SIDT1: variants seen among roughly 807,000 people sequenced by gnomAD.
SIDT1 encodes SID1 transmembrane family, member 1.
Under a neutral mutation model 107.5 loss-of-function variants are expected in SIDT1, and 101 were observed. The ratio of observed to expected loss-of-function variants is 0.94; its 90% CI spans 0.80 to 1.11. SIDT1 has a LOEUF of 1.11. SIDT1 is among the 50% of genes least tolerant of loss of function. The pLI, the probability that SIDT1 is intolerant of heterozygous loss-of-function variation, is 0.00. For missense variants in SIDT1, 1,076 were observed against 1,058.2 expected (o/e 1.02, Z -0.23); for synonymous variants, 395 against 398.2 (o/e 0.99, Z 0.10).
intron 9 of SIDT1, among the ~76,000 whole-genome samples, chr3:113,591,076 C>T (rs1032197922): frequency 6.6e-5 from 10 of 152,098 alleles, no homozygotes; most frequent in Non-Finnish European, 7.3e-5. Flanking sequence ...GAAGGAAATG[C>T]GACAAAGAAA....
At chr3:113,620,211 T>C (rs916917918) in intron 21 of SIDT1, among the ~76,000 whole-genome samples, 5 of 151,980 alleles carry the variant, frequency 3.3e-5, no homozygotes, top group Admixed American at 1.3e-4. Flanking sequence ...TGTGTGTGTG[T>C]GTGTGTGTGT....
intron 23 of SIDT1, 87 bp downstream of exon 23, chr3:113,623,820 TCA>T: frequency 3.5e-6 from 3 of 851,914 alleles, no homozygotes; most frequent in Non-Finnish European, 1.9e-6. Context: ...TAATGTGTTT[TCA>T]CAGTGTCTAA....
intron 19 of SIDT1, among the ~76,000 whole-genome samples, chr3:113,615,484 C>T (rs999104389): frequency 1.3e-5 from 2 of 152,234 alleles, no homozygotes; most frequent in Non-Finnish European, 2.9e-5. Context: ...AACACACACA[C>T]TCGCTGCATT....
At chr3:113,603,767 A>C (rs1945129776) in intron 12 of SIDT1, among the ~76,000 whole-genome samples, 193 bp from the exon 13 acceptor site, 2 of 152,350 alleles carry the variant, frequency 1.3e-5, no homozygotes, top group South Asian at 2.1e-4. Flanking sequence ...CAACATTAAA[A>C]GAAAAGTCTT....
At chr3:113,561,635 G>A (rs2107724836) in intron 1 of SIDT1, among the ~76,000 whole-genome samples, 1 of 152,256 alleles carries the variant, frequency 6.6e-6, no homozygotes, top group Admixed American at 6.5e-5. Flanking sequence ...GGTTTCTTTG[G>A]AACTATCCTT....
At chr3:113,609,102 G>A (rs1428417261) in intron 17 of SIDT1, among the ~76,000 whole-genome samples, 3 of 115,582 alleles carry the variant, frequency 2.6e-5, no homozygotes, top group East Asian at 2.8e-4. Context: ...TGGCTCTGTC[G>A]CCCAGGCTGG....
intron 1 of SIDT1, among the ~76,000 whole-genome samples, chr3:113,554,581 C>A (rs1446824200): frequency 2.0e-5 from 3 of 152,184 alleles, no homozygotes; most frequent in Non-Finnish European, 4.4e-5. Flanking sequence ...TTGCCTTCTG[C>A]CATGATTGTG....
chr3:113,605,147 G>A (rs1363046171), intron 14 of SIDT1, among the ~76,000 whole-genome samples, 171 bp downstream of exon 14: 5 of 20,550 alleles, frequency 2.4e-4, no homozygotes, highest in Non-Finnish European at 6.6e-4. Context: ...TTTTTTGACG[G>A]AGTCTCGCTC....
At chr3:113,611,197 C>CAA in intron 18 of SIDT1, 53 bp downstream of exon 18, 2 of 1,583,758 alleles carry the variant, frequency 1.3e-6, no homozygotes, top group East Asian at 2.3e-5. Context: ...CCCCTAGGTC[C>CAA]AATAAACAAA....
At chr3:113,607,823 G>A (rs144607129) in intron 15 of SIDT1, among the ~76,000 whole-genome samples, 1 of 152,226 alleles carries the variant, frequency 6.6e-6, no homozygotes, top group African/African-American at 2.4e-5. Flanking sequence ...CTATACAAAC[G>A]CCACTGGGAT....
At chr3:113,560,303 A>T (rs904806866) in intron 1 of SIDT1, among the ~76,000 whole-genome samples, 1 of 152,200 alleles carries the variant, frequency 6.6e-6, no homozygotes, top group African/African-American at 2.4e-5. Flanking sequence ...TCCTCTGTGT[A>T]CCCACAGTAC....
intron 17 of SIDT1, among the ~76,000 whole-genome samples, chr3:113,609,524 A>T (rs111529427): frequency 4.6e-5 from 7 of 152,202 alleles, no homozygotes. Context: ...GGGCTGAGAC[A>T]GTGTGCATTT....
chr3:113,535,753 C>T (rs984523147), intron 1 of SIDT1, among the ~76,000 whole-genome samples: 3 of 152,180 alleles, frequency 2.0e-5, no homozygotes, highest in Non-Finnish European at 4.4e-5. Context: ...ATCTTACAGC[C>T]TTCTGGGACC....
chr3:113,618,659 T>A (rs1056750893), intron 20 of SIDT1, among the ~76,000 whole-genome samples: 1 of 152,158 alleles, frequency 6.6e-6, no homozygotes. Flanking sequence ...TCCTCCAAAT[T>A]GGATGGATCA....
intron 1 of SIDT1, among the ~76,000 whole-genome samples, chr3:113,547,514 G>T (rs935473480): frequency 5.3e-5 from 8 of 152,056 alleles, no homozygotes; most frequent in African/African-American, 1.9e-4. Flanking sequence ...AATAAACAAA[G>T]AAATTTATTT....
In SIDT1 at chr3:113,612,148, G is replaced by A. The variant is rs201901082; in HGVS notation, c.1920G>A (p.Ser640=). The A allele has an allele frequency of 1.8e-5, 29 of 1,614,006 alleles. No individual in the cohort carries two copies. The highest frequency in any genetic ancestry group is 4.5e-5 in the East Asian group (2 of 44,880). ...TCTCTGCAATCCACGTTCTGGCCTC[G>A]CTAGCCCTCAGCACCCAGATATATT... is the stretch of plus-strand genomic sequence containing the variant. The part of the protein sequence containing the change: ...VIFSAIHVLA[S]LALSTQIYYM... The change falls in exon 19 of 25, where the codon TCG becomes TCA. Residue 640 remains serine, a synonymous_variant. Transcript: ENST00000264852.
At chr3:113,573,916 G>C (rs1219740904) in intron 3 of SIDT1, among the ~76,000 whole-genome samples, 1 of 152,192 alleles carries the variant, frequency 6.6e-6, no homozygotes, top group Non-Finnish European at 1.5e-5. Context: ...CCTTAGCAAA[G>C]GAAATTTCAA....
intron 6 of SIDT1, 32 bp from the exon 7 acceptor site, chr3:113,583,377 C>A (rs753234377): frequency 1.3e-6 from 2 of 1,522,664 alleles, no homozygotes; most frequent in Non-Finnish European, 9.0e-7. Context: ...TCTTTCTTAC[C>A]GCCTATCATA....
intron 1 of SIDT1, among the ~76,000 whole-genome samples, chr3:113,545,114 TAAAA>T (rs554009768): frequency 0.015 from 1,075 of 73,952 alleles, 19 homozygotes; most frequent in African/African-American, 0.052. Flanking sequence ...GAGACTCTGT[TAAAA>T]AAAAAAAAAA....
Sources: gnomAD v4.1 joint callset for allele counts (sites outside exome capture counted in the v4.1 genomes callset) on GRCh38, gnomAD v4.1.1 for gene constraint, MANE v1.5 for transcripts, NCBI Gene and HGNC (gene_info 2026-07-23, HGNC 2026-07-21) for gene names.